The following CYP2B6 variants were observed in gnomAD, a reference collection of about 807,000 sequenced individuals.
The protein encoded by CYP2B6 is cytochrome P450 2B6.
CYP2B6 carries 35 observed loss-of-function variants against 43.4 expected under a neutral mutation model. The observed-to-expected ratio is 0.81, with a 90% confidence interval of 0.62 to 1.07. CYP2B6 has a LOEUF of 1.07. CYP2B6 is among the 50% of genes least tolerant of loss of function. The probability of loss-of-function intolerance (pLI) is 0.00; values close to 1 mark genes in which losing one functional copy is unlikely to be tolerated. For missense variants in CYP2B6, 624 were observed against 632.8 expected (o/e 0.99, Z 0.15); for synonymous variants, 239 against 239.2 (o/e 1.00, Z 0.01).
At position 41,017,082 on chromosome 19, in the gene CYP2B6, G is replaced by A. The variant is rs1237384342; in HGVS notation, c.*255G>A. The A allele has an allele frequency of 4.7e-5, 13 of 276,790 alleles. No individual in the cohort carries two copies. Among genetic ancestry groups the A allele is most frequent in the Non-Finnish European group, 8.4e-5 (12 of 143,344 alleles). 17.1% of individuals were successfully genotyped at this position (276,790 alleles called of 1,614,324 possible). ...TTTTGAGACAGAGTCTCACACTGTT[G>A]CCCAGGCTGGAGTGCAGTGGCGTGA... On this transcript the variant is annotated 3_prime_UTR_variant, in exon 9 of 9. Coordinates refer to ENST00000324071, the MANE Select transcript of CYP2B6 (RefSeq NM_000767.5).
At chr19:41,006,668 G>A (rs143805762) in intron 3 of CYP2B6, among the ~76,000 whole-genome samples, 198 of 152,128 alleles carry the variant, frequency 1.3e-3, no homozygotes, top group African/African-American at 4.6e-3. Flanking sequence ...AAATTACTCA[G>A]CCTCTCGGTC....
At chr19:41,003,826 G>C in intron 1 of CYP2B6, 175 bp from the exon 2 acceptor site, 2 of 827,906 alleles carry the variant, frequency 2.4e-6, no homozygotes. Context: ...CTCTCCCTTG[G>C]ACAGCGTTAA....
At position 41,013,203 on chromosome 19, in the gene CYP2B6, T is replaced by C. The variant is rs146794320; in HGVS notation, c.1294+388T>C. Among the ~76,000 whole-genome samples the C allele has an allele frequency of 3.3e-3, 498 of 152,250 alleles. 1 individual carries two copies. Among genetic ancestry groups the C allele is most frequent in the African/African-American group, 0.012 (479 of 41,536 alleles). On this transcript the variant is annotated intron_variant, in intron 8 of 8. Transcript: ENST00000324071. ...GAAATTTAAAGTCCAGCAGGGAAGA[T>C]GGGCATTCATCAAATAATAATAAAA... is the stretch of plus-strand genomic sequence containing the variant.
chr19:40,995,434 G>C (rs1030618684), intron 1 of CYP2B6, among the ~76,000 whole-genome samples: 6 of 152,106 alleles, frequency 3.9e-5, no homozygotes, highest in African/African-American at 1.4e-4. Context: ...AGAAGAACTT[G>C]GTACGGTCTC....
At chr19:40,993,944 A>G (rs1256965313) in intron 1 of CYP2B6, among the ~76,000 whole-genome samples, 1 of 152,102 alleles carries the variant, frequency 6.6e-6, no homozygotes, top group Non-Finnish European at 1.5e-5. Flanking sequence ...GTTGCCACAA[A>G]TGTTCTCATC....
In CYP2B6 at chr19:41,010,012, A is replaced by G. The variant is rs772533995; in HGVS notation, c.841A>G (p.Ser281Gly). 3 of 1,614,156 alleles carry G rather than the reference A, an allele frequency of 1.9e-6. No homozygotes were observed. Among genetic ancestry groups the G allele is most frequent in the Admixed American group, 3.3e-5 (2 of 60,014 alleles). Reference protein sequence around the residue: ...HMEKEKSNAHSEFSHQNLNLN... With the variant: ...HMEKEKSNAHGEFSHQNLNLN... Reference sequence around the variant, plus strand: ...GACGCAGGAGAAATCCAACGCACACAGTGAATTCAGCCACCAGAACCTCAA... The same window carrying G: ...GACGCAGGAGAAATCCAACGCACACGGTGAATTCAGCCACCAGAACCTCAA... The change falls in exon 6 of 9, where the codon AGT (serine) becomes GGT (glycine). Residue 281 changes from serine to glycine, a missense_variant. Coordinates refer to ENST00000324071, the MANE Select transcript of CYP2B6 (RefSeq NM_000767.5).
Position 41,016,847 on chromosome 19 carries a change from T to C in CYP2B6, c.*20T>C. ...CGCTGAAGGGGCTGAGGGAAGGGGG[T>C]CAAAGGATTCCAGGGTCATTCAGTG... On this transcript the variant is annotated 3_prime_UTR_variant, in exon 9 of 9. Transcript: ENST00000324071. 6.2e-7 allele frequency: 1 copy of C among 1,609,972 alleles called. No individual in the cohort carries two copies. The highest frequency in any genetic ancestry group is 2.2e-5 in the East Asian group (1 of 44,686).
At position 41,012,361 on chromosome 19, in the gene CYP2B6, G is replaced by A. The variant is rs565980641; in HGVS notation, c.1028G>A (p.Arg343Gln). 1.6e-5 allele frequency: 26 copies of A among 1,613,988 alleles called. No homozygotes were observed. Among genetic ancestry groups the A allele is most frequent in the Middle Eastern group, 1.6e-4 (1 of 6,084 alleles). Residue 343 changes from arginine to glutamine, a missense_variant, in exon 7 of 9, where the codon CGA becomes CAA. By Grantham distance (43) the Arg-to-Gln change is conservative (BLOSUM62 1). Coordinates refer to ENST00000324071, the MANE Select transcript of CYP2B6 (RefSeq NM_000767.5). ...GPHRPPELHD[R>Q]AKMPYTEAVI... ...CATCGCCCTCCAGAGCTTCATGACC[G>A]AGCCAAAATGCCATACACAGAGGCA...
intron 1 of CYP2B6, among the ~76,000 whole-genome samples, chr19:40,993,374 T>G (rs1234798701): frequency 1.3e-5 from 2 of 152,030 alleles, no homozygotes; most frequent in Non-Finnish European, 2.9e-5. Flanking sequence ...GAAAATACAA[T>G]TCATGGCAAA....
At chr19:41,014,821 A>T (rs1251629266) in intron 8 of CYP2B6, among the ~76,000 whole-genome samples, 5 of 151,716 alleles carry the variant, frequency 3.3e-5, no homozygotes, top group Middle Eastern at 3.4e-3. Flanking sequence ...TCACGTAAGG[A>T]GAAGGAGGAG....
intron 4 of CYP2B6, among the ~76,000 whole-genome samples, chr19:41,008,522 C>T (rs967133940): frequency 1.9e-4 from 27 of 143,220 alleles, no homozygotes; most frequent in East Asian, 4.0e-4. Context: ...ACTTTCTGGG[C>T]GGTCTGATCT....
chr19:41,006,746 A>G (rs774524145), intron 3 of CYP2B6, among the ~76,000 whole-genome samples, 159 bp from the exon 4 acceptor site: 6 of 152,108 alleles, frequency 3.9e-5, no homozygotes, highest in Non-Finnish European at 5.9e-5. Context: ...TGAGAGTTCA[A>G]TGGAATTACG....
At chr19:41,012,509 G>T (rs778905276) in intron 7 of CYP2B6, 24 bp downstream of exon 7, 3 of 1,613,794 alleles carry the variant, frequency 1.9e-6, no homozygotes, top group African/African-American at 2.7e-5. Flanking sequence ...GAACCCCATA[G>T]CCCTCCTGTT....
intron 8 of CYP2B6, among the ~76,000 whole-genome samples, chr19:41,015,965 G>A (rs565842374): frequency 1.4e-4 from 21 of 150,708 alleles, no homozygotes; most frequent in African/African-American, 4.9e-4. Flanking sequence ...TAAGAATGTT[G>A]TCATAAATGT....
At chr19:41,005,822 G>A (rs1366568775) in intron 3 of CYP2B6, among the ~76,000 whole-genome samples, 1 of 151,854 alleles carries the variant, frequency 6.6e-6, no homozygotes, top group East Asian at 1.9e-4. Flanking sequence ...AACGGCAGGG[G>A]GGAGACAAAT....
In CYP2B6 at chr19:41,016,735, C is replaced by T. The variant is rs1969374337; in HGVS notation, c.1384C>T (p.Pro462Ser). 1 of 1,614,234 alleles carries T rather than the reference C, an allele frequency of 6.2e-7. No individual in the cohort carries two copies. Residue 462 changes from proline (P) to serine (S), a missense_variant, in exon 9 of 9, where the codon CCC becomes TCC. Physicochemically the swap from Pro to Ser is moderately conservative, Grantham distance 74 (BLOSUM62 -1). Coordinates refer to ENST00000324071, the MANE Select transcript of CYP2B6 (RefSeq NM_000767.5). Reference protein sequence around the residue: ...TILQNFSMASPVAPEDIDLTP... With the variant: ...TILQNFSMASSVAPEDIDLTP... ...CCTCCAGAACTTCTCCATGGCCAGC[C>T]CCGTGGCCCCAGAAGACATCGATCT...
intron 1 of CYP2B6, among the ~76,000 whole-genome samples, chr19:41,002,674 G>A (rs1301409412): frequency 6.6e-6 from 1 of 151,932 alleles, no homozygotes; most frequent in African/African-American, 2.4e-5. Context: ...TCAGCCTCCC[G>A]AGTAGCTGGG....
In CYP2B6 at chr19:41,016,907, G is replaced by T. The variant is rs1350910309; in HGVS notation, c.*80G>T. ...CTGTAGACAATGGCTCTGACTCCCC[G>T]CAACTTCCTGCCTCTGAGAGACCTG... On this transcript the variant is annotated 3_prime_UTR_variant, in exon 9 of 9. Coordinates refer to ENST00000324071, the MANE Select transcript of CYP2B6 (RefSeq NM_000767.5). 1 of 1,451,538 alleles carries T rather than the reference G, an allele frequency of 6.9e-7. No homozygotes were observed. Among genetic ancestry groups the T allele is most frequent in the Middle Eastern group, 1.8e-4 (1 of 5,522 alleles). The allele number at this position is 1,451,538 out of a possible 1,614,324, so 89.9% of individuals were successfully genotyped here. A position where few individuals can be genotyped will look rare whatever the true frequency, so the allele number is the denominator to read the frequency against.
intron 3 of CYP2B6, among the ~76,000 whole-genome samples, chr19:41,006,295 C>A (rs1445753621): frequency 6.6e-6 from 1 of 150,454 alleles, no homozygotes; most frequent in Non-Finnish European, 1.5e-5. Context: ...TCAACTGGGA[C>A]TACAGGCATG....
Sources: allele counts gnomAD v4.1 joint callset (sites outside exome capture counted in the v4.1 genomes callset), GRCh38; gene constraint gnomAD v4.1.1; transcripts MANE v1.5; gene names NCBI Gene and HGNC (gene_info 2026-07-23, HGNC 2026-07-21).